TBC1D7: variants seen among roughly 807,000 people sequenced by gnomAD.
TBC1D7 encodes the protein TBC domain family 7.
TBC1D7 carries 33 observed loss-of-function variants against 35.3 expected under a neutral mutation model. The observed-to-expected ratio is 0.93, with a 90% CI of 0.71 to 1.25. The LOEUF (loss-of-function observed/expected upper bound fraction) is 1.25, where lower values mean the gene tolerates loss of function less well. Among genes scored for constraint, TBC1D7 ranks in the 50% most tolerant of loss-of-function variants. The pLI is 0.00. For missense variants in TBC1D7, 362 were observed against 365.3 expected (o/e 0.99, Z 0.07); for synonymous variants, 135 against 129.5 (o/e 1.04, Z -0.29).
At chr6:13,314,087 G>A (rs2458300) in intron 5 of TBC1D7, among the ~76,000 whole-genome samples, 43,586 of 151,854 alleles carry the variant, frequency 0.29, 6,461 homozygotes, top group South Asian at 0.46. Flanking sequence ...GCGTGGTGGC[G>A]GGTGCCTGTA....
intron 5 of TBC1D7, among the ~76,000 whole-genome samples, chr6:13,309,486 G>C (rs1338298988): frequency 6.6e-6 from 1 of 152,148 alleles, no homozygotes. Context: ...TTAATATAAA[G>C]TTTTAAATAC....
Position 13,321,131 on chromosome 6 carries a change from T to C in TBC1D7, c.194-36A>G, listed in dbSNP as rs1048572100. 5.8e-6 allele frequency: 9 copies of C among 1,564,530 alleles called. No individual in the cohort carries two copies. The African/African-American group carries it at 1.1e-4, about 19-fold the overall frequency. On this transcript the variant is annotated intron_variant, in intron 3 of 7. Transcript: ENST00000379300. ...CAGGAAAAACGAAAAAAGGACAAAATACTGAGCCATCACTCCAAATCCCTC... is the reference window on the plus strand; with the variant it reads ...CAGGAAAAACGAAAAAAGGACAAAACACTGAGCCATCACTCCAAATCCCTC...
chr6:13,315,041 C>T (rs1783506813), intron 5 of TBC1D7, among the ~76,000 whole-genome samples: 1 of 152,132 alleles, frequency 6.6e-6, no homozygotes, highest in African/African-American at 2.4e-5. Context: ...ACTCACAGAG[C>T]CCCTGTTTTA....
At chr6:13,310,575 T>C (rs1213537437) in intron 5 of TBC1D7, among the ~76,000 whole-genome samples, 4 of 149,758 alleles carry the variant, frequency 2.7e-5, no homozygotes, top group African/African-American at 9.9e-5. Flanking sequence ...GAGGCAGAGG[T>C]TGCAGTGAGC....
At position 13,321,030 on chromosome 6, in the gene TBC1D7, C is replaced by T; in HGVS notation, c.259G>A (p.Asp87Asn). Residue 87 changes from aspartate to asparagine, a missense_variant, in exon 4 of 8, where the codon GAT (aspartate) becomes AAT (asparagine). Transcript: ENST00000379300. ...VMMYRKEQYL[D>N]VLHALKVVRF... ...ACGACTTTCAGGGCATGAAGGACAT[C>T]CAAGTACTGCTCCTTACGATACATC... The T allele has an allele frequency of 6.2e-7, 1 of 1,614,104 alleles. No homozygotes were observed. The highest frequency in any genetic ancestry group is 8.5e-7 in the Non-Finnish European group (1 of 1,179,970).
intron 5 of TBC1D7, among the ~76,000 whole-genome samples, chr6:13,311,783 C>T (rs1783230500): frequency 6.6e-6 from 1 of 152,006 alleles, no homozygotes; most frequent in Non-Finnish European, 1.5e-5. Context: ...TCAAGAATAG[C>T]CAAGACATTT....
At chr6:13,313,643 C>T (rs1584540777) in intron 5 of TBC1D7, among the ~76,000 whole-genome samples, 1 of 152,314 alleles carries the variant, frequency 6.6e-6, no homozygotes, top group Non-Finnish European at 1.5e-5. Context: ...AAATTTGTAA[C>T]AGGAAATGCT....
At chr6:13,323,245 C>A (rs868194671) in intron 3 of TBC1D7, among the ~76,000 whole-genome samples, 1 of 151,936 alleles carries the variant, frequency 6.6e-6, no homozygotes, top group African/African-American at 2.4e-5. Context: ...CCCAGCTACT[C>A]GGGAGACTGA....
chr6:13,325,178 G>A lies in TBC1D7; in HGVS notation c.113-4C>T. On this transcript the variant is annotated splice_polypyrimidine_tract_variant and splice_region_variant and intron_variant, in intron 2 of 7. Coordinates refer to ENST00000379300, the MANE Select transcript of TBC1D7 (RefSeq NM_016495.6). ...AAAGTACAAAGTTTCTCAGTATCTA[G>A]AGGAAGAAGAAAACAATTGTTAGAA... 1 of 1,607,536 alleles carries A rather than the reference G, an allele frequency of 6.2e-7. No homozygotes were observed.
chr6:13,310,660 T>C (rs1387233911), intron 5 of TBC1D7, among the ~76,000 whole-genome samples: 1 of 123,390 alleles, frequency 8.1e-6, no homozygotes, highest in Non-Finnish European at 1.7e-5. Context: ...AAAAGAATAT[T>C]GTTTAAGAAT....
chr6:13,314,195 ACT>A (rs1198757917), intron 5 of TBC1D7, among the ~76,000 whole-genome samples: 5 of 145,502 alleles, frequency 3.4e-5, no homozygotes, highest in Non-Finnish European at 1.5e-5. Context: ...ACCAAGCGAG[ACT>A]CCATCTCAAA....
At chr6:13,322,440 C>T (rs939209966) in intron 3 of TBC1D7, among the ~76,000 whole-genome samples, 3 of 151,970 alleles carry the variant, frequency 2.0e-5, no homozygotes, top group African/African-American at 7.3e-5. Context: ...TCTTAGCTTC[C>T]CCATCTGAAA....
intron 4 of TBC1D7, among the ~76,000 whole-genome samples, chr6:13,317,928 G>A (rs1438462560): frequency 6.6e-6 from 1 of 152,366 alleles, no homozygotes; most frequent in Non-Finnish European, 1.5e-5. Flanking sequence ...TCCCCATTGT[G>A]GCAGTATTGA....
intron 5 of TBC1D7, among the ~76,000 whole-genome samples, chr6:13,311,656 C>T (rs1236812709): frequency 6.6e-6 from 1 of 152,132 alleles, no homozygotes; most frequent in Non-Finnish European, 1.5e-5. Context: ...ACTTGCTAGG[C>T]ACTGTAATGC....
At chr6:13,306,212 T>C (rs563147594) in intron 7 of TBC1D7, 186 bp downstream of exon 7, 55 of 448,050 alleles carry the variant, frequency 1.2e-4, no homozygotes, top group Non-Finnish European at 1.8e-4. Flanking sequence ...TCAAATCAAA[T>C]TATTATTTCT....
At chr6:13,324,999 TA>T in intron 3 of TBC1D7, 94 bp downstream of exon 3, 1 of 922,716 alleles carries the variant, frequency 1.1e-6, no homozygotes, top group Non-Finnish European at 1.7e-6. Context: ...GTAAAAGGCC[TA>T]AACAAATTCT....
intron 5 of TBC1D7, among the ~76,000 whole-genome samples, chr6:13,313,988 C>A (rs374254667): frequency 6.6e-6 from 1 of 152,060 alleles, no homozygotes; most frequent in East Asian, 1.9e-4. Context: ...TTTGGGAGGC[C>A]GAGGGGGCGG....
chr6:13,325,224 T>A lies in TBC1D7; in HGVS notation c.113-50A>T, dbSNP rs200130512. 6.9e-6 allele frequency: 9 copies of A among 1,307,440 alleles called. No homozygotes were observed. The East Asian group carries it at 2.1e-4, about 30-fold the overall frequency. 81.0% of individuals were successfully genotyped at this position (1,307,440 alleles called of 1,614,324 possible). A position where few individuals can be genotyped will look rare whatever the true frequency, so the allele number is the denominator to read the frequency against. On this transcript the variant is annotated intron_variant, in intron 2 of 7. Transcript: ENST00000379300. Reference sequence around the variant, plus strand: ...TAGAAGCTTTTCATGCTGATCACAGTATGTCAAGGCACATTTCATTTTTTA... The same window carrying A: ...TAGAAGCTTTTCATGCTGATCACAGAATGTCAAGGCACATTTCATTTTTTA...
In TBC1D7 at chr6:13,311,701, G is replaced by A. The variant is rs73723248; in HGVS notation, c.520-3956C>T. On this transcript the variant is annotated intron_variant, in intron 5 of 7. Transcript: ENST00000379300. ...AAGAAGCCCCATTTTTAAAGATGAG[G>A]AAACGAAAGTTTAAGGGACATGAAG... Among the ~76,000 whole-genome samples, 1,097 of 152,222 alleles carry A rather than the reference G, an allele frequency of 7.2e-3. 12 individuals are homozygous for A. Among genetic ancestry groups the A allele is most frequent in the African/African-American group, 0.025 (1,026 of 41,514 alleles).
Sources: allele counts gnomAD v4.1 joint callset (sites outside exome capture counted in the v4.1 genomes callset), GRCh38; gene constraint gnomAD v4.1.1; transcripts MANE v1.5; gene names NCBI Gene and HGNC (gene_info 2026-07-23, HGNC 2026-07-21).